Variants in B3GALT1 observed in about 807,000 individuals in gnomAD.
The protein encoded by B3GALT1 is UDP-Gal:betaGlcNAc beta 1,3-galactosyltransferase, polypeptide 1.
A neutral mutation model predicts 23.2 loss-of-function variants in B3GALT1; 10 were observed. The ratio of observed to expected loss-of-function variants is 0.43; its 90% CI spans 0.27 to 0.73. B3GALT1 has a LOEUF of 0.73. Ranked by LOEUF, B3GALT1 falls within the 30% of genes least tolerant of loss-of-function variation. The probability of loss-of-function intolerance (pLI) is 0.21; values close to 1 mark genes in which losing one functional copy is unlikely to be tolerated. For missense variants in B3GALT1, 299 were observed against 405.4 expected (o/e 0.74, Z 2.25); for synonymous variants, 156 against 141.5 (o/e 1.10, Z -0.73).
At chr2:167,798,099 A>C (rs1173501348) in intron 3 of B3GALT1, among the ~76,000 whole-genome samples, 1 of 152,186 alleles carries the variant, frequency 6.6e-6, no homozygotes, top group Non-Finnish European at 1.5e-5. Flanking sequence ...TCTTTTGAAA[A>C]GTGTCTGTTC....
intron 3 of B3GALT1, among the ~76,000 whole-genome samples, chr2:167,722,464 A>G (rs1235976138): frequency 6.6e-6 from 1 of 152,214 alleles, no homozygotes; most frequent in Non-Finnish European, 1.5e-5. Flanking sequence ...ATAAGTAGAG[A>G]ATATCAGATA....
chr2:167,812,931 A>G (rs1320367930), intron 3 of B3GALT1, among the ~76,000 whole-genome samples: 4 of 151,574 alleles, frequency 2.6e-5, no homozygotes, highest in African/African-American at 9.7e-5. Context: ...AGAAAAATGC[A>G]TTTAATCACA....
chr2:167,742,971 C>A (rs1164541079), intron 3 of B3GALT1, among the ~76,000 whole-genome samples: 1 of 152,024 alleles, frequency 6.6e-6, no homozygotes, highest in East Asian at 1.9e-4. Context: ...AAACAATATG[C>A]ATATTGCTTG....
intron 3 of B3GALT1, among the ~76,000 whole-genome samples, chr2:167,783,604 G>A (rs1484425675): frequency 6.6e-6 from 1 of 152,196 alleles, no homozygotes. Flanking sequence ...ACAGCTTTAA[G>A]AGCAAATAGG....
chr2:167,513,396 A>G (rs569313579), intron 2 of B3GALT1, among the ~76,000 whole-genome samples: 1 of 152,216 alleles, frequency 6.6e-6, no homozygotes, highest in African/African-American at 2.4e-5. Context: ...ACAAAGGACA[A>G]CAAACGCAAG....
chr2:167,482,683 T>C (rs943588407), intron 1 of B3GALT1, among the ~76,000 whole-genome samples: 15 of 151,828 alleles, frequency 9.9e-5, no homozygotes, highest in African/African-American at 3.4e-4. Context: ...CTACTAAAAA[T>C]AAAAAAATTA....
intron 2 of B3GALT1, among the ~76,000 whole-genome samples, chr2:167,529,571 G>T (rs973497089): frequency 4.7e-5 from 7 of 149,188 alleles, no homozygotes; most frequent in Admixed American, 4.0e-4. Context: ...GGAAAACTTT[G>T]TTTCCGATCT....
In B3GALT1 at chr2:167,293,138, C is replaced by G. The variant is rs1219928701; in HGVS notation, c.-707C>G. On this transcript the variant is annotated 5_prime_UTR_variant, in exon 1 of 5. Transcript: ENST00000392690. ...TGCCCACCCCGCCGCGCCGCCGGCGCTGCCGGTCTTGCAGGCGGCCGCCGG... is the reference window on the plus strand; with the variant it reads ...TGCCCACCCCGCCGCGCCGCCGGCGGTGCCGGTCTTGCAGGCGGCCGCCGG... The G allele has an allele frequency of 6.6e-6, 1 of 151,354 alleles. No individual in the cohort carries two copies. 9.4% of individuals were successfully genotyped at this position (151,354 alleles called of 1,614,324 possible). A position where few individuals can be genotyped will look rare whatever the true frequency, so the allele number is the denominator to read the frequency against.
intron 4 of B3GALT1, among the ~76,000 whole-genome samples, chr2:167,827,398 G>A (rs926575424): frequency 2.0e-5 from 3 of 152,176 alleles, no homozygotes; most frequent in African/African-American, 7.2e-5. Flanking sequence ...GAAATATGAC[G>A]AGATCCTTGC....
chr2:167,445,323 G>C (rs566204213), intron 1 of B3GALT1, among the ~76,000 whole-genome samples: 6 of 152,242 alleles, frequency 3.9e-5, no homozygotes, highest in Non-Finnish European at 7.3e-5. Context: ...ATGTGGTGCT[G>C]AGAGGTATGT....
chr2:167,376,797 G>C (rs903441429), intron 1 of B3GALT1, among the ~76,000 whole-genome samples: 1 of 151,712 alleles, frequency 6.6e-6, no homozygotes, highest in Non-Finnish European at 1.5e-5. Flanking sequence ...ACAAACTTTT[G>C]GTTTTATGGA....
intron 3 of B3GALT1, among the ~76,000 whole-genome samples, chr2:167,772,239 T>C (rs1688084597): frequency 6.6e-6 from 1 of 152,184 alleles, no homozygotes; most frequent in South Asian, 2.1e-4. Context: ...AATTGATTAT[T>C]TTGAAAAATA....
chr2:167,708,991 A>G (rs1687009860), intron 3 of B3GALT1, among the ~76,000 whole-genome samples: 1 of 152,104 alleles, frequency 6.6e-6, no homozygotes, highest in Non-Finnish European at 1.5e-5. Flanking sequence ...TGTAACTTTG[A>G]TATTTGGGGA....
chr2:167,663,059 C>T (rs1045025481), intron 3 of B3GALT1, among the ~76,000 whole-genome samples: 1 of 151,530 alleles, frequency 6.6e-6, no homozygotes, highest in African/African-American at 2.4e-5. Context: ...ACTGCACACA[C>T]TAACTCATCA....
At chr2:167,707,507 AT>A (rs5836158) in intron 3 of B3GALT1, among the ~76,000 whole-genome samples, 52,184 of 150,542 alleles carry the variant, frequency 0.35, 9,897 homozygotes, top group South Asian at 0.45. Context: ...TATTTTTCTT[AT>A]TTTTTTTTTC....
chr2:167,819,534 A>G (rs56799386), intron 4 of B3GALT1, among the ~76,000 whole-genome samples: 3,140 of 152,322 alleles, frequency 0.021, 115 homozygotes, highest in African/African-American at 0.072. Flanking sequence ...AAGAAGCACC[A>G]TGCTGGCAAG....
intron 1 of B3GALT1, among the ~76,000 whole-genome samples, chr2:167,476,332 A>C: frequency 6.6e-6 from 1 of 152,220 alleles, no homozygotes; most frequent in East Asian, 1.9e-4. Context: ...AGTATTGAGC[A>C]TTTGTTTAAT....
intron 1 of B3GALT1, among the ~76,000 whole-genome samples, chr2:167,336,288 T>C (rs1464659056): frequency 6.6e-6 from 1 of 152,190 alleles, no homozygotes; most frequent in Non-Finnish European, 1.5e-5. Context: ...TTTCATTGGG[T>C]GGACATTGGT....
intron 2 of B3GALT1, among the ~76,000 whole-genome samples, chr2:167,496,250 T>A (rs970166121): frequency 3.3e-5 from 5 of 152,148 alleles, no homozygotes; most frequent in African/African-American, 1.2e-4. Flanking sequence ...TGGGTGCCCA[T>A]GAGGCTGGAT....
Sources: gnomAD v4.1 joint callset for allele counts (sites outside exome capture counted in the v4.1 genomes callset) on GRCh38, gnomAD v4.1.1 for gene constraint, MANE v1.5 for transcripts, NCBI Gene and HGNC (gene_info 2026-07-23, HGNC 2026-07-21) for gene names.